Variants in SH3PXD2A observed in about 807,000 individuals in gnomAD.
SH3PXD2A encodes SH3 and PX domains 2A.
In SH3PXD2A, 32 loss-of-function variants were observed where a neutral mutation model predicts 115.2. That is an observed-to-expected ratio of 0.28 (90% confidence interval 0.21 to 0.37). The LOEUF (loss-of-function observed/expected upper bound fraction) is 0.37, where lower values mean the gene tolerates loss of function less well. Among genes scored for constraint, SH3PXD2A ranks in the 10% least tolerant of loss-of-function variants. SH3PXD2A has a pLI of 1.00. For missense variants in SH3PXD2A, 1,328 were observed against 1,498.7 expected, an observed-to-expected ratio of 0.89 and a Z score of 1.88; for synonymous variants, 610 against 629.1, an observed-to-expected ratio of 0.97 and a Z score of 0.45.
intron 4 of SH3PXD2A, among the ~76,000 whole-genome samples, chr10:103,725,262 A>T (rs1196594681): frequency 2.0e-5 from 3 of 152,142 alleles, no homozygotes; most frequent in Non-Finnish European, 4.4e-5. Context: ...GGGCCATAGG[A>T]GGTGGGCAGG....
At chr10:103,779,352 T>C (rs2134239165) in intron 2 of SH3PXD2A, among the ~76,000 whole-genome samples, 1 of 152,298 alleles carries the variant, frequency 6.6e-6, no homozygotes, top group East Asian at 1.9e-4. Context: ...GGCTTCTTAC[T>C]ATGGATGGGA....
intron 2 of SH3PXD2A, among the ~76,000 whole-genome samples, chr10:103,794,612 TC>T (rs1437762988): frequency 6.6e-6 from 1 of 152,076 alleles, no homozygotes; most frequent in Non-Finnish European, 1.5e-5. Context: ...CTGCCGCCCC[TC>T]CTCCCACCTC....
chr10:103,843,962 A>C (rs2134321092), intron 1 of SH3PXD2A, among the ~76,000 whole-genome samples: 1 of 152,320 alleles, frequency 6.6e-6, no homozygotes, highest in African/African-American at 2.4e-5. Flanking sequence ...TACATTCTCT[A>C]ACCTGACATC....
chr10:103,739,887 TG>T (rs1364347033), intron 3 of SH3PXD2A, among the ~76,000 whole-genome samples: 1 of 151,374 alleles, frequency 6.6e-6, no homozygotes, highest in African/African-American at 2.4e-5. Flanking sequence ...AGCGAAGGAG[TG>T]GGGGCCTCCG....
intron 8 of SH3PXD2A, among the ~76,000 whole-genome samples, chr10:103,630,405 C>G (rs2036761128): frequency 6.6e-6 from 1 of 152,190 alleles, no homozygotes; most frequent in East Asian, 1.9e-4. Context: ...GCCTCCTTTA[C>G]CACAGATGTG....
chr10:103,692,946 A>G (rs1322427464), intron 6 of SH3PXD2A, 82 bp downstream of exon 6: 1 of 1,109,628 alleles, frequency 9.0e-7, no homozygotes, highest in Admixed American at 1.8e-5. Flanking sequence ...CCCGCCCCCA[A>G]GAAGTCCTCT....
rs572976722 is a variant in SH3PXD2A at position 103,631,234 on chromosome 10, G to C, written c.605-4032C>G. 2.0e-5 allele frequency among the ~76,000 whole-genome samples: 3 copies of C among 152,182 alleles called. No homozygotes were observed. The East Asian group carries it at 5.8e-4, about 29-fold the overall frequency. On this transcript the variant is annotated intron_variant, in intron 8 of 14. Transcript: ENST00000369774. The stretch of plus-strand genomic sequence containing the variant: ...GAGCTATGATTGTGCCACTGCACTG[G>C]AGCCTCGGTGACAGGGCAAGACTGC...
chr10:103,639,478 C>T (rs771424359), intron 8 of SH3PXD2A, among the ~76,000 whole-genome samples: 10 of 151,996 alleles, frequency 6.6e-5, no homozygotes, highest in Admixed American at 2.6e-4. Context: ...GGCATGGTGG[C>T]GTGTGCCTGT....
At chr10:103,724,660 A>G (rs2038219517) in intron 4 of SH3PXD2A, among the ~76,000 whole-genome samples, 1 of 152,070 alleles carries the variant, frequency 6.6e-6, no homozygotes. Flanking sequence ...TCAACAAACC[A>G]ACAAGACAAC....
chr10:103,642,429 C>G (rs1009676011), intron 8 of SH3PXD2A, among the ~76,000 whole-genome samples: 2 of 152,170 alleles, frequency 1.3e-5, no homozygotes, highest in African/African-American at 4.8e-5. Context: ...ACAAACTTTT[C>G]CCACTGTGTG....
intron 2 of SH3PXD2A, among the ~76,000 whole-genome samples, chr10:103,773,012 GT>G (rs943536643): frequency 3.9e-5 from 6 of 152,202 alleles, no homozygotes; most frequent in African/African-American, 1.4e-4. Flanking sequence ...ATCACCTGAG[GT>G]CAGGGGTTCG....
At chr10:103,846,798 A>G (rs1589482948) in intron 1 of SH3PXD2A, among the ~76,000 whole-genome samples, 1 of 152,182 alleles carries the variant, frequency 6.6e-6, no homozygotes, top group South Asian at 2.1e-4. Flanking sequence ...CTGGGTGTGT[A>G]ATGTGTCATT....
rs559492574 is a variant in SH3PXD2A at position 103,599,164 on chromosome 10, G to A, written c.*2652C>T. ...AAAAGTTGTTTCCTGTCCTTGGGCC[G>A]CAGTAACAGGAAGGGATGGGATAGA... On this transcript the variant is annotated 3_prime_UTR_variant, in exon 15 of 15. Transcript: ENST00000369774. 3.7e-4 allele frequency: 57 copies of A among 152,148 alleles called. No individual in the cohort carries two copies. Among genetic ancestry groups the A allele is most frequent in the South Asian group, 8.3e-4 (4 of 4,796 alleles). The allele number at this position is 152,148 out of a possible 1,614,324, so 9.4% of individuals were successfully genotyped here.
intron 10 of SH3PXD2A, among the ~76,000 whole-genome samples, chr10:103,618,419 G>A (rs944933836): frequency 6.6e-6 from 1 of 152,222 alleles, no homozygotes. Flanking sequence ...TAGCTGGCTG[G>A]CTAAAGAGTC....
chr10:103,732,450 C>T (rs1053002765), intron 4 of SH3PXD2A, among the ~76,000 whole-genome samples: 2 of 152,216 alleles, frequency 1.3e-5, no homozygotes, highest in African/African-American at 2.4e-5. Context: ...ATCACTCAGT[C>T]GGCATGTGGT....
At chr10:103,773,218 C>G (rs1247711147) in intron 2 of SH3PXD2A, among the ~76,000 whole-genome samples, 2 of 122,308 alleles carry the variant, frequency 1.6e-5, no homozygotes, top group African/African-American at 6.5e-5. Flanking sequence ...GAGTGAAACT[C>G]TGTCTCAAAA....
At chr10:103,816,997 A>ATTTTTTTTTTTTTTTTTTTTTTTTTTTT (rs56260224) in intron 1 of SH3PXD2A, among the ~76,000 whole-genome samples, 1 of 99,606 alleles carries the variant, frequency 1.0e-5, no homozygotes, top group Non-Finnish European at 1.9e-5. Flanking sequence ...CACCCGGCTA[A>ATTTTTTTTTTTTTTTTTTTTTTTTTTTT]TTTTTTTTTT....
chr10:103,718,336 C>T (rs1482934021), intron 5 of SH3PXD2A, among the ~76,000 whole-genome samples: 1 of 152,180 alleles, frequency 6.6e-6, no homozygotes, highest in Non-Finnish European at 1.5e-5. Flanking sequence ...TCTTTATCTG[C>T]CTTCTTTGGG....
intron 6 of SH3PXD2A, among the ~76,000 whole-genome samples, chr10:103,676,799 G>C (rs1375578096): frequency 6.6e-6 from 1 of 152,126 alleles, no homozygotes; most frequent in African/African-American, 2.4e-5. Flanking sequence ...TTTGTGTGCA[G>C]AGAAGAGACA....
Sources: gnomAD v4.1 joint callset for allele counts (sites outside exome capture counted in the v4.1 genomes callset) on GRCh38, gnomAD v4.1.1 for gene constraint, MANE v1.5 for transcripts, NCBI Gene and HGNC (gene_info 2026-07-23, HGNC 2026-07-21) for gene names.